DENND4A: variants seen among roughly 807,000 people sequenced by gnomAD.
DENND4A encodes the protein DENN domain containing 4A, also known as C-myc promoter-binding protein.
A neutral mutation model predicts 199.3 loss-of-function variants in DENND4A; 70 were observed. The ratio of observed to expected loss-of-function variants is 0.35; its 90% confidence interval spans 0.29 to 0.43. The LOEUF (loss-of-function observed/expected upper bound fraction) is 0.43, where lower values mean the gene tolerates loss of function less well. Ranked by LOEUF, DENND4A falls within the 20% of genes least tolerant of loss-of-function variation. The probability of loss-of-function intolerance (pLI) is 1.00; values close to 1 mark genes in which losing one functional copy is unlikely to be tolerated. For missense variants in DENND4A, 1,723 were observed against 2,255.8 expected (o/e 0.76, Z 4.78); for synonymous variants, 686 against 766.9 (o/e 0.89, Z 1.74).
intron 4 of DENND4A, 64 bp downstream of exon 4, chr15:65,752,315 A>AT: frequency 8.4e-6 from 2 of 239,246 alleles, no homozygotes; most frequent in Non-Finnish European, 1.5e-5. Flanking sequence ...AAAAAAAAAG[A>AT]TGTATTTAAA....
chr15:65,683,889 A>T (rs1019486310), intron 23 of DENND4A, among the ~76,000 whole-genome samples: 1 of 152,178 alleles, frequency 6.6e-6, no homozygotes, highest in Non-Finnish European at 1.5e-5. Flanking sequence ...GTTAATCTCC[A>T]TTGCCTTCCT....
chr15:65,755,962 T>G (rs28621005), intron 3 of DENND4A, among the ~76,000 whole-genome samples, 178 bp downstream of exon 3: 31,094 of 152,066 alleles, frequency 0.2, 4,240 homozygotes, highest in East Asian at 0.73. Context: ...GCTGGGAACT[T>G]CAGGATAAAG....
chr15:65,689,466 GAT>G (rs1290016099), intron 23 of DENND4A, among the ~76,000 whole-genome samples: 2 of 152,136 alleles, frequency 1.3e-5, no homozygotes, highest in African/African-American at 2.4e-5. Flanking sequence ...TTTCTCTGTT[GAT>G]AGAGTAAAAG....
intron 30 of DENND4A, 56 bp from the exon 31 acceptor site, chr15:65,664,778 G>T: frequency 7.0e-7 from 1 of 1,421,474 alleles, no homozygotes; most frequent in Non-Finnish European, 9.5e-7. Flanking sequence ...AAAGGAGAAA[G>T]AAATTAAGCA....
chr15:65,726,113 G>GA (rs1260841272), intron 11 of DENND4A: 1 of 152,006 alleles, frequency 6.6e-6, no homozygotes, highest in East Asian at 1.9e-4. Flanking sequence ...AAGAAAGAAA[G>GA]AAAAAATAGT....
intron 3 of DENND4A, among the ~76,000 whole-genome samples, chr15:65,753,453 T>C (rs187415208): frequency 7.4e-4 from 113 of 151,940 alleles, no homozygotes; most frequent in African/African-American, 2.7e-3. Context: ...CTGCCTCCAA[T>C]GTTCAAGCGA....
At chr15:65,753,519 T>C (rs2076620134) in intron 3 of DENND4A, among the ~76,000 whole-genome samples, 1 of 151,602 alleles carries the variant, frequency 6.6e-6, no homozygotes, top group Non-Finnish European at 1.5e-5. Flanking sequence ...GCACCACACC[T>C]GACTAATTTT....
Position 65,661,857 on chromosome 15 carries a change from A to G in DENND4A, c.5718T>C (p.Tyr1906=), listed in dbSNP as rs2075852392. 1 of 1,606,710 alleles carries G rather than the reference A, an allele frequency of 6.2e-7. No individual in the cohort carries two copies. The highest frequency in any genetic ancestry group is 8.5e-7 in the Non-Finnish European group (1 of 1,176,050). The change falls in exon 33 of 33, where the codon TAT becomes TAC. Residue 1906 remains tyrosine, a synonymous_variant. Transcript: ENST00000443035. The stretch of plus-strand genomic sequence containing the variant: ...TTACACATACAAATACATCTTAAAG[A>G]TAAGGTTCTCCAAAGGTTTTTCGAC... ...MECRKTFGEP[Y]L
chr15:65,745,963 G>A (rs369998687), intron 4 of DENND4A, among the ~76,000 whole-genome samples: 1 of 150,866 alleles, frequency 6.6e-6, no homozygotes, highest in East Asian at 1.9e-4. Flanking sequence ...GTGAAACCCC[G>A]TCTCTACCAA....
chr15:65,722,062 A>G (rs1282313007), intron 12 of DENND4A, among the ~76,000 whole-genome samples: 3 of 152,044 alleles, frequency 2.0e-5, no homozygotes, highest in Non-Finnish European at 4.4e-5. Flanking sequence ...AACATTTTTA[A>G]AAGATAAGCA....
intron 4 of DENND4A, among the ~76,000 whole-genome samples, chr15:65,750,158 AAG>A (rs2076523995): frequency 6.6e-6 from 1 of 152,364 alleles, no homozygotes; most frequent in African/African-American, 2.4e-5. Flanking sequence ...ATCATAAAAA[AAG>A]AATGAAATCA....
intron 4 of DENND4A, among the ~76,000 whole-genome samples, chr15:65,745,772 A>G (rs568475070): frequency 5.3e-5 from 8 of 152,196 alleles, no homozygotes; most frequent in Non-Finnish European, 1.2e-4. Context: ...TTCTATAATG[A>G]AAAACAAGGA....
intron 14 of DENND4A, among the ~76,000 whole-genome samples, chr15:65,709,638 G>C (rs2075170539): frequency 7.5e-6 from 1 of 134,116 alleles, no homozygotes. Flanking sequence ...AGGTTGCGGT[G>C]AGCCAAGATC....
intron 32 of DENND4A, among the ~76,000 whole-genome samples, chr15:65,663,568 T>C (rs1445600438): frequency 5.3e-5 from 8 of 152,200 alleles, no homozygotes; most frequent in Admixed American, 2.0e-4. Context: ...CTCCCTATTC[T>C]GTACCATTGA....
intron 22 of DENND4A, among the ~76,000 whole-genome samples, chr15:65,695,936 T>C (rs2077129968): frequency 6.6e-6 from 1 of 151,998 alleles, no homozygotes; most frequent in Non-Finnish European, 1.5e-5. Flanking sequence ...AAGAAGACCG[T>C]GAAAAGAAAA....
At chr15:65,696,573 G>T in intron 21 of DENND4A, 76 bp from the exon 22 acceptor site, 1 of 1,107,348 alleles carries the variant, frequency 9.0e-7, no homozygotes, top group Non-Finnish European at 1.3e-6. Flanking sequence ...GAAGTTTTCA[G>T]TTCTACATAT....
Position 65,668,038 on chromosome 15 carries a change from T to A in DENND4A, c.4873A>T (p.Ile1625Leu). ...RSKTAMSKCP[I>L]FPMARSISTS... is the part of the protein sequence containing the mutation. Reference sequence around the variant, plus strand: ...CTAATACTCCTGGCCATTGGAAATATTGGACATTTAGACATAGCTGTTTTT... The same window carrying A: ...CTAATACTCCTGGCCATTGGAAATAATGGACATTTAGACATAGCTGTTTTT... Residue 1625 changes from isoleucine to leucine, a missense_variant, in exon 28 of 33, where the codon ATA becomes TTA. Around this residue, in one of 6 missense-constraint regions of DENND4A, gnomAD observed 141 missense variants for 170.7 expected, o/e 0.83. Transcript: ENST00000443035. 1 of 1,612,632 alleles carries A rather than the reference T, an allele frequency of 6.2e-7. No homozygotes were observed. The highest frequency in any genetic ancestry group is 8.5e-7 in the Non-Finnish European group (1 of 1,179,568).
At chr15:65,767,962 A>C (rs1039469289) in intron 1 of DENND4A, among the ~76,000 whole-genome samples, 5 of 152,204 alleles carry the variant, frequency 3.3e-5, no homozygotes, top group Non-Finnish European at 7.3e-5. Context: ...GAAATGAAAA[A>C]TATGATGAAA....
chr15:65,670,802 A>G (rs1203565012), intron 25 of DENND4A, among the ~76,000 whole-genome samples: 2 of 152,230 alleles, frequency 1.3e-5, no homozygotes, highest in Admixed American at 1.3e-4. Flanking sequence ...GAAAATATAG[A>G]AATTCTTGAA....
Sources: gnomAD v4.1 joint callset for allele counts (sites outside exome capture counted in the v4.1 genomes callset) on GRCh38, gnomAD v4.1.1 for gene constraint, gnomAD v4.1.1 regional missense constraint, MANE v1.5 for transcripts, NCBI Gene and HGNC (gene_info 2026-07-23, HGNC 2026-07-21) for gene names.